WBP4: variants seen among roughly 807,000 people sequenced by gnomAD.
WBP4 encodes WW domain binding protein 4.
Under a neutral mutation model 55.4 loss-of-function variants are expected in WBP4, and 37 were observed. The observed-to-expected ratio is 0.67, with a 90% CI of 0.51 to 0.88. The LOEUF is 0.88. Ranked by LOEUF, WBP4 falls within the 40% of genes least tolerant of loss-of-function variation. The probability of loss-of-function intolerance (pLI) is 0.00; values close to 1 mark genes in which losing one functional copy is unlikely to be tolerated. For synonymous variants in WBP4, 142 were observed against 140.2 expected (o/e 1.01, Z -0.09); for missense variants, 398 against 420.8 (o/e 0.95, Z 0.47).
intron 7 of WBP4, among the ~76,000 whole-genome samples, chr13:41,075,823 G>A (rs2138477475): frequency 6.6e-6 from 1 of 152,242 alleles, no homozygotes; most frequent in East Asian, 1.9e-4. Flanking sequence ...TTCCATTGGA[G>A]TTATAGTTTA....
intron 1 of WBP4, chr13:41,062,123 T>TTTC: frequency 1.0e-6 from 1 of 974,858 alleles, no homozygotes; most frequent in Admixed American, 6.4e-5. Context: ...TTTTTTTTTT[T>TTTC]TGTCGGCCGT....
At chr13:41,061,905 C>T (rs542847363) in intron 1 of WBP4, among the ~76,000 whole-genome samples, 4 of 151,880 alleles carry the variant, frequency 2.6e-5, no homozygotes, top group South Asian at 2.1e-4. Flanking sequence ...AGGGGGAGGC[C>T]GGCGGCCGGT....
Position 41,069,638 on chromosome 13 carries a change from G to A in WBP4, c.439+901G>A, listed in dbSNP as rs183384043. On this transcript the variant is annotated intron_variant, in intron 5 of 9. Transcript: ENST00000379487. ...GATTGGGCCACTGAACCCAGGAAGC[G>A]GAGCTTGCGGTGAGCGTAGATTGGG... 5.3e-3 allele frequency among the ~76,000 whole-genome samples: 805 copies of A among 151,188 alleles called. 7 individuals are homozygous for A. The highest frequency in any genetic ancestry group is 0.018 in the African/African-American group (760 of 41,126).
At chr13:41,068,860 A>C in intron 5 of WBP4, 123 bp downstream of exon 5, 1 of 1,107,002 alleles carries the variant, frequency 9.0e-7, no homozygotes, top group South Asian at 2.6e-5. Flanking sequence ...CCGGTTTTTC[A>C]TTTTTGCCCC....
In WBP4 at chr13:41,064,953, TTAC is replaced by T. The variant is rs1308671788; in HGVS notation, c.76-60_76-58del. ...TCTCATGTTTATGAGAAAATTATGT[TTAC>T]TATGAATTTTATGATGTTTATGTAG... On this transcript the variant is annotated intron_variant, in intron 2 of 9. Transcript: ENST00000379487. The T allele has an allele frequency of 4.4e-6, 6 of 1,378,806 alleles. No individual in the cohort carries two copies. The African/African-American group carries it at 5.9e-5, about 14-fold the overall frequency. The allele number at this position is 1,378,806 out of a possible 1,614,324, so 85.4% of individuals were successfully genotyped here. A position where few individuals can be genotyped will look rare whatever the true frequency, so the allele number is the denominator to read the frequency against.
chr13:41,080,263 G>A (rs1380878301), intron 8 of WBP4, among the ~76,000 whole-genome samples: 1 of 152,104 alleles, frequency 6.6e-6, no homozygotes, highest in Non-Finnish European at 1.5e-5. Context: ...AGGTAAACAA[G>A]GACAAACTCC....
chr13:41,081,673 G>T (rs1878785306), intron 9 of WBP4, among the ~76,000 whole-genome samples: 1 of 152,138 alleles, frequency 6.6e-6, no homozygotes. Context: ...GGCCAGGCAG[G>T]TGCAGTGGCC....
intron 9 of WBP4, among the ~76,000 whole-genome samples, chr13:41,081,498 CAAA>C (rs555764002): frequency 2.0e-4 from 16 of 81,146 alleles, no homozygotes; most frequent in Admixed American, 2.9e-4. Context: ...ACCTTGTCTC[CAAA>C]AAAAAAAAAA....
intron 7 of WBP4, among the ~76,000 whole-genome samples, chr13:41,075,295 C>G (rs1227666144): frequency 6.6e-6 from 1 of 152,146 alleles, no homozygotes; most frequent in Non-Finnish European, 1.5e-5. Flanking sequence ...TGCCCCCCCA[C>G]CCACCAAACC....
intron 5 of WBP4, among the ~76,000 whole-genome samples, chr13:41,070,414 G>A (rs1593428278): frequency 1.3e-5 from 2 of 151,970 alleles, no homozygotes; most frequent in South Asian, 2.1e-4. Flanking sequence ...AATAGTGGTC[G>A]AGGTAAAACA....
chr13:41,061,970 C>T (rs1206435490), intron 1 of WBP4: 3 of 908,402 alleles, frequency 3.3e-6, no homozygotes, highest in South Asian at 5.1e-5. Context: ...CTCTCTACGA[C>T]GCTGTCGGGG....
At position 41,061,560 on chromosome 13, in the gene WBP4, A is replaced by T; in HGVS notation, c.-114A>T. The T allele has an allele frequency of 6.5e-7, 1 of 1,531,656 alleles. No homozygotes were observed. Among genetic ancestry groups the T allele is most frequent in the Non-Finnish European group, 9.0e-7 (1 of 1,112,926 alleles). 94.9% of individuals were successfully genotyped at this position (1,531,656 alleles called of 1,614,324 possible). ...CCCGGGGACTGAGTAAGGTGTCTGG[A>T]TCGGAGGGAGGTTCGGGTGGGCATC... On this transcript the variant is annotated 5_prime_UTR_variant, in exon 1 of 10. Transcript: ENST00000379487.
At chr13:41,082,581 G>T in intron 9 of WBP4, 123 bp from the exon 10 acceptor site, 1 of 743,290 alleles carries the variant, frequency 1.3e-6, no homozygotes, top group Non-Finnish European at 2.2e-6. Context: ...GTATTTTAAA[G>T]TAGTTCCTAC....
rs779384452 is a variant in WBP4, at chr13:41,082,865, C to T, written c.1082C>T (p.Thr361Ile). ...GVAPVFKKRR[T>I]ENGKSRNLRQ... ...GCCCCAGTCTTCAAAAAGAGAAGAA[C>T]TGAAAATGGAAAATCTAGAAATTTA... Residue 361 changes from threonine to isoleucine, a missense_variant, in exon 10 of 10, where the codon ACT becomes ATT. Coordinates refer to ENST00000379487, the MANE Select transcript of WBP4 (RefSeq NM_007187.5). 2.5e-6 allele frequency: 4 copies of T among 1,613,976 alleles called. No individual in the cohort carries two copies. The highest frequency in any genetic ancestry group is 8.5e-7 in the Non-Finnish European group (1 of 1,179,980).
Position 41,083,307 on chromosome 13 carries a change from C to T in WBP4, c.*393C>T, listed in dbSNP as rs1438902512. 1 of 174,432 alleles carries T rather than the reference C, an allele frequency of 5.7e-6. No individual in the cohort carries two copies. The highest frequency in any genetic ancestry group is 2.4e-5 in the African/African-American group (1 of 41,714). The allele number at this position is 174,432 out of a possible 1,614,324, so 10.8% of individuals were successfully genotyped here. A position where few individuals can be genotyped will look rare whatever the true frequency, so the allele number is the denominator to read the frequency against. On this transcript the variant is annotated 3_prime_UTR_variant, in exon 10 of 10. Transcript: ENST00000379487. ...TAACTGTTGTCCAACAAATAAGTAT[C>T]GGAGTACGTGAGAATATTCCCAGCC...
chr13:41,083,468 G>T lies in WBP4; in HGVS notation c.*554G>T. On this transcript the variant is annotated 3_prime_UTR_variant, in exon 10 of 10. Coordinates refer to ENST00000379487, the MANE Select transcript of WBP4 (RefSeq NM_007187.5). ...CAGGTACTTCAGATGTGCTTAATAT[G>T]GAGTGAAAACTGGACCAGAGGTGGA... 1 of 153,090 alleles carries T rather than the reference G, an allele frequency of 6.5e-6. No individual in the cohort carries two copies. The highest frequency in any genetic ancestry group is 1.5e-5 in the Non-Finnish European group (1 of 68,596). The allele number at this position is 153,090 out of a possible 1,614,324, so 9.5% of individuals were successfully genotyped here. A position where few individuals can be genotyped will look rare whatever the true frequency, so the allele number is the denominator to read the frequency against.
In WBP4 at chr13:41,062,795, A is replaced by G. The variant is rs1486471412; in HGVS notation, c.75+79A>G. The G allele has an allele frequency of 2.2e-6, 3 of 1,354,274 alleles. No individual in the cohort carries two copies. In the African/African-American group the frequency reaches 4.3e-5, roughly 20 times the overall value. 83.9% of individuals were successfully genotyped at this position (1,354,274 alleles called of 1,614,324 possible). ...CTCCTTTTTGATGTAAACTCAGTTTACAAAGCACTTTTATGTACATTGCTC... is the reference window on the plus strand; with the variant it reads ...CTCCTTTTTGATGTAAACTCAGTTTGCAAAGCACTTTTATGTACATTGCTC... On this transcript the variant is annotated intron_variant, in intron 2 of 9. Coordinates refer to ENST00000379487, the MANE Select transcript of WBP4 (RefSeq NM_007187.5).
intron 8 of WBP4, among the ~76,000 whole-genome samples, chr13:41,078,626 A>G (rs1878608457): frequency 6.6e-6 from 1 of 152,144 alleles, no homozygotes; most frequent in Non-Finnish European, 1.5e-5. Context: ...TCGAGAGTTA[A>G]AGACCAGCCT....
In WBP4 at chr13:41,062,109, T is replaced by TTG. The variant is rs1877691144; in HGVS notation, c.2+435_2+436insGT. ...GATAGCGTAATGGTTTTTTTTTTTT[T>TTG]TTTTTTTTTTTTTTTGTCGGCCGTC... On this transcript the variant is annotated intron_variant, in intron 1 of 9. Coordinates refer to ENST00000379487, the MANE Select transcript of WBP4 (RefSeq NM_007187.5). 6.2e-6 allele frequency: 6 copies of TTG among 966,268 alleles called. No individual in the cohort carries two copies. In the African/African-American group the frequency reaches 1.0e-4, roughly 16 times the overall value. The allele number at this position is 966,268 out of a possible 1,614,324, so 59.9% of individuals were successfully genotyped here. A position where few individuals can be genotyped will look rare whatever the true frequency, so the allele number is the denominator to read the frequency against.
Sources: allele counts gnomAD v4.1 joint callset (sites outside exome capture counted in the v4.1 genomes callset), GRCh38; gene constraint gnomAD v4.1.1; transcripts MANE v1.5; gene names NCBI Gene and HGNC (gene_info 2026-07-23, HGNC 2026-07-21).